IRS1: variants seen among roughly 807,000 people sequenced by gnomAD.
IRS1 encodes insulin receptor substrate 1.
A neutral mutation model predicts 65.6 loss-of-function variants in IRS1; 34 were observed. The observed-to-expected ratio is 0.52, with a 90% confidence interval of 0.39 to 0.69. The LOEUF (loss-of-function observed/expected upper bound fraction) is 0.69. Among genes scored for constraint, IRS1 ranks in the 30% least tolerant of loss-of-function variants. The probability of loss-of-function intolerance (pLI) is 0.00; values close to 1 mark genes in which losing one functional copy is unlikely to be tolerated. For missense variants in IRS1, 1,641 were observed against 1,720.2 expected (o/e 0.95, Z 0.81); for synonymous variants, 699 against 683.5 (o/e 1.02, Z -0.35).
intron 1 of IRS1, among the ~76,000 whole-genome samples, chr2:226,775,235 G>A (rs1417452571): frequency 6.6e-6 from 1 of 152,200 alleles, no homozygotes; most frequent in Non-Finnish European, 1.5e-5. Flanking sequence ...TGGAAATGAG[G>A]GGAACCTATA....
Position 226,795,287 on chromosome 2 carries a change from A to G in IRS1, c.3452T>C (p.Leu1151Pro), listed in dbSNP as rs754786896. ...HSSASFENVWLRPGELGGAPK... is the reference protein window; with the variant it reads ...HSSASFENVWPRPGELGGAPK... ...GGCTCCCCCAAGCTCCCCAGGCCTCAGCCACACATTCTCAAAGGAAGCAGA... is the reference window on the plus strand; with the variant it reads ...GGCTCCCCCAAGCTCCCCAGGCCTCGGCCACACATTCTCAAAGGAAGCAGA... Residue 1151 changes from leucine to proline, a missense_variant, in exon 1 of 2, where the codon CTG becomes CCG. Physicochemically the swap from Leu to Pro is moderately conservative, Grantham distance 98. Around this residue, in one of 3 missense-constraint regions of IRS1, gnomAD observed 1,324 missense variants for 1,361.0 expected, o/e 0.97. Transcript: ENST00000305123. 1.2e-6 allele frequency: 2 copies of G among 1,613,964 alleles called. No homozygotes were observed. Among genetic ancestry groups the G allele is most frequent in the Admixed American group, 3.3e-5 (2 of 60,030 alleles).
intron 1 of IRS1, among the ~76,000 whole-genome samples, chr2:226,776,892 T>C (rs1231552748): frequency 6.6e-6 from 1 of 152,134 alleles, no homozygotes. Context: ...GGCAACACAG[T>C]GAGACTCTTT....
Position 226,795,553 on chromosome 2 carries a change from G to T in IRS1, c.3186C>A (p.Gly1062=). The change falls in exon 1 of 2, where the codon GGC becomes GGA. Residue 1062 remains glycine, a synonymous_variant. Coordinates refer to ENST00000305123, the MANE Select transcript of IRS1 (RefSeq NM_005544.3). Reference sequence around the variant, plus strand: ...CGCTCATGCCCCCAGGTCCTTGTGGGCCCCCCAGCAGGGACGAGTGGGCAG... The same window carrying T: ...CGCTCATGCCCCCAGGTCCTTGTGGTCCCCCCAGCAGGGACGAGTGGGCAG... ...ELAAHSSLLG[G]PQGPGGMSAF... 1 of 1,613,016 alleles carries T rather than the reference G, an allele frequency of 6.2e-7. No homozygotes were observed. The highest frequency in any genetic ancestry group is 1.1e-5 in the South Asian group (1 of 91,078).
At position 226,785,271 on chromosome 2, in the gene IRS1, A is replaced by T. The variant is rs544450888; in HGVS notation, c.*21+9718T>A. On this transcript the variant is annotated intron_variant, in intron 1 of 1. Coordinates refer to ENST00000305123, the MANE Select transcript of IRS1 (RefSeq NM_005544.3). ...GAAAGTGAACAGGAAAAGAAAATAA[A>T]GTAGTAAAGATTTAAATTGGTGGTG... Among the ~76,000 whole-genome samples the T allele has an allele frequency of 9.3e-4, 142 of 152,306 alleles. 1 individual carries two copies. The highest frequency in any genetic ancestry group is 6.8e-3 in the Middle Eastern group (2 of 294).
intron 1 of IRS1, among the ~76,000 whole-genome samples, chr2:226,781,553 A>G (rs1273938563): frequency 6.6e-6 from 1 of 152,170 alleles, no homozygotes; most frequent in Non-Finnish European, 1.5e-5. Context: ...GACGCTTTCC[A>G]TGAGCCCATC....
At chr2:226,775,681 T>A (rs1247203878) in intron 1 of IRS1, among the ~76,000 whole-genome samples, 1 of 152,202 alleles carries the variant, frequency 6.6e-6, no homozygotes, top group East Asian at 1.9e-4. Context: ...TAATTGTCCA[T>A]CAGGTATCTG....
chr2:226,761,275 C>T (rs374823971), intron 1 of IRS1, among the ~76,000 whole-genome samples: 4 of 152,178 alleles, frequency 2.6e-5, no homozygotes, highest in Non-Finnish European at 2.9e-5. Context: ...AAAACAACAA[C>T]ATAATTGCTT....
chr2:226,799,757 C>T lies in IRS1; in HGVS notation c.-1019G>A, dbSNP rs886206594. On this transcript the variant is annotated 5_prime_UTR_variant, in exon 1 of 2. Transcript: ENST00000305123. This position sits in a 1 kb window ranked among gnomAD's most constrained non-coding sequence, Gnocchi z 6.1. ...GCGCCGGCCCCCTCCGACCGCGCCG[C>T]CGTCTCACTCGGAGGAGAAAAACAC... 6 of 998,282 alleles carry T rather than the reference C, an allele frequency of 6.0e-6. No individual in the cohort carries two copies. In the African/African-American group the frequency reaches 1.0e-4, roughly 17 times the overall value. 61.8% of individuals were successfully genotyped at this position (998,282 alleles called of 1,614,324 possible).
At chr2:226,739,373 G>T (rs1938392681) in intron 1 of IRS1, among the ~76,000 whole-genome samples, 1 of 152,140 alleles carries the variant, frequency 6.6e-6, no homozygotes, top group Non-Finnish European at 1.5e-5. Flanking sequence ...CAACTTGGGG[G>T]CTGCATACTT....
rs761408187 is a variant in IRS1, at chr2:226,796,067, T to C, written c.2672A>G (p.Lys891Arg). The change falls in exon 1 of 2, where the codon AAG (lysine) becomes AGG (arginine). Residue 891 changes from lysine (K) to arginine (R), a missense_variant. This residue lies in a region of IRS1 where 1,324 missense variants were observed against 1,361.0 expected (regional missense o/e 0.97). Coordinates refer to ENST00000305123, the MANE Select transcript of IRS1 (RefSeq NM_005544.3). ...AATATTGACATATTCCCCCGGGCTC[T>C]TGGGCTCTGGAGGGTGCAGCAAGGG... The part of the protein sequence containing the change: ...QQPLLHPPEP[K>R]SPGEYVNIEF... 1.7e-5 allele frequency: 28 copies of C among 1,613,840 alleles called. No homozygotes were observed. The highest frequency in any genetic ancestry group is 2.2e-5 in the Non-Finnish European group (26 of 1,180,032).
At chr2:226,783,892 G>T (rs928636409) in intron 1 of IRS1, among the ~76,000 whole-genome samples, 3 of 152,054 alleles carry the variant, frequency 2.0e-5, no homozygotes, top group Admixed American at 1.3e-4. Context: ...TGCTCTTGCT[G>T]CTGGGAACCT....
At chr2:226,748,653 A>G (rs1428661251) in intron 1 of IRS1, among the ~76,000 whole-genome samples, 1 of 149,936 alleles carries the variant, frequency 6.7e-6, no homozygotes, top group Non-Finnish European at 1.5e-5. Flanking sequence ...CAAAAAACAA[A>G]CAAACAAAAC....
At position 226,748,703 on chromosome 2, in the gene IRS1, T is replaced by C. The variant is rs546517756; in HGVS notation, c.*22-12453A>G. ...AAATGCAAGACTGAGATACAAATCA[T>C]AGTTGCTGTTTCTGTGTTTAAAATG... is the stretch of plus-strand genomic sequence containing the variant. On this transcript the variant is annotated intron_variant, in intron 1 of 1. Coordinates refer to ENST00000305123, the MANE Select transcript of IRS1 (RefSeq NM_005544.3). Among the ~76,000 whole-genome samples the C allele has an allele frequency of 3.9e-5, 6 of 152,200 alleles. No homozygotes were observed. In the East Asian group the frequency reaches 9.7e-4, roughly 24 times the overall value.
chr2:226,760,567 T>C (rs929589928), intron 1 of IRS1, among the ~76,000 whole-genome samples: 4 of 152,190 alleles, frequency 2.6e-5, no homozygotes, highest in Non-Finnish European at 5.9e-5. Flanking sequence ...ACCTGGCATT[T>C]ACATTCTTGT....
intron 1 of IRS1, among the ~76,000 whole-genome samples, chr2:226,789,053 C>T (rs1248629318): frequency 6.6e-6 from 1 of 152,166 alleles, no homozygotes; most frequent in Non-Finnish European, 1.5e-5. Context: ...ATACAATTTC[C>T]AGTAACTTTG....
At chr2:226,772,598 G>A (rs545264931) in intron 1 of IRS1, among the ~76,000 whole-genome samples, 1 of 151,414 alleles carries the variant, frequency 6.6e-6, no homozygotes. Context: ...AATACTATGA[G>A]TGGCAGGAAA....
chr2:226,797,573 G>A lies in IRS1; in HGVS notation c.1166C>T (p.Pro389Leu), dbSNP rs1372054385. ...GGTGCTACTGGACGACAGACTGACCGGGCTGGTGGCCGAAGGCGAGCAGCG... is the reference window on the plus strand; with the variant it reads ...GGTGCTACTGGACGACAGACTGACCAGGCTGGTGGCCGAAGGCGAGCAGCG... ...ASRCSPSATS[P>L]VSLSSSSTSG... Residue 389 changes from proline (P) to leucine (L), a missense_variant, in exon 1 of 2, where the codon CCG becomes CTG. By Grantham distance (98) the Pro-to-Leu change is moderately conservative. Around this residue, in one of 3 missense-constraint regions of IRS1, gnomAD observed 1,324 missense variants for 1,361.0 expected, o/e 0.97. Coordinates refer to ENST00000305123, the MANE Select transcript of IRS1 (RefSeq NM_005544.3). This position sits in a 1 kb window ranked among gnomAD's most constrained non-coding sequence, Gnocchi z 8.1. 5.6e-6 allele frequency: 9 copies of A among 1,597,224 alleles called. No individual in the cohort carries two copies. Among genetic ancestry groups the A allele is most frequent in the East Asian group, 2.2e-5 (1 of 44,790 alleles).
In IRS1 at chr2:226,797,026, G is replaced by C; in HGVS notation, c.1713C>G (p.His571Gln). 6.2e-7 allele frequency: 1 copy of C among 1,606,916 alleles called. No individual in the cohort carries two copies. Among genetic ancestry groups the C allele is most frequent in the Non-Finnish European group, 8.5e-7 (1 of 1,175,194 alleles). ...GGGSGGRLPG[H>Q]RHSAFVPTRS... The stretch of plus-strand genomic sequence containing the variant: ...GGGTGGGCACGAAGGCGGAGTGCCT[G>C]TGTCCCGGCAGTCGGCCTCCACTGC... Residue 571 changes from histidine (H) to glutamine (Q), a missense_variant, in exon 1 of 2, where the codon CAC becomes CAG. Coordinates refer to ENST00000305123, the MANE Select transcript of IRS1 (RefSeq NM_005544.3). The surrounding 1 kb of genome is among the most constrained non-coding windows in gnomAD (Gnocchi z 8.1).
chr2:226,770,807 C>T (rs1188643132), intron 1 of IRS1, among the ~76,000 whole-genome samples: 2 of 152,194 alleles, frequency 1.3e-5, no homozygotes, highest in African/African-American at 2.4e-5. Context: ...AACCAAGTTA[C>T]TTACACTGTA....
Sources: gnomAD v4.1 joint callset for allele counts (sites outside exome capture counted in the v4.1 genomes callset) on GRCh38, gnomAD v4.1.1 for gene constraint, gnomAD v4.1.1 regional missense constraint, Gnocchi (gnomAD v3.1) non-coding constraint, MANE v1.5 for transcripts, NCBI Gene and HGNC (gene_info 2026-07-23, HGNC 2026-07-21) for gene names.